The following CENPK variants were observed in gnomAD, a reference collection of about 807,000 sequenced individuals.
CENPK encodes the protein SoxLZ/Sox6-binding protein Solt.
A neutral mutation model predicts 40.9 loss-of-function variants in CENPK; 46 were observed. The ratio of observed to expected loss-of-function variants is 1.13; its 90% CI spans 0.89 to 1.44. The LOEUF is 1.44. Ranked by LOEUF, CENPK falls within the 40% of genes most tolerant of loss-of-function variation. CENPK has a pLI of 0.00. For synonymous variants in CENPK, 107 were observed against 104.4 expected (o/e 1.02, Z -0.15); for missense variants, 288 against 303.5 (o/e 0.95, Z 0.38).
rs1745253591 is a variant in CENPK at position 65,529,032 on chromosome 5, AAAC to A, written c.372-18_372-16del. The A allele has an allele frequency of 6.3e-7, 1 of 1,580,880 alleles. No homozygotes were observed. Among genetic ancestry groups the A allele is most frequent in the Non-Finnish European group, 8.7e-7 (1 of 1,154,432 alleles). ...ACCGTTGTTCCCTTTCGACATGGAA[AAAC>A]AATACAAGCAATATCTAAATAAAAC... On this transcript the variant is annotated splice_polypyrimidine_tract_variant and intron_variant, in intron 7 of 10. Coordinates refer to ENST00000396679, the MANE Select transcript of CENPK (RefSeq NM_022145.5).
the CENPK span, among the ~76,000 whole-genome samples, chr5:65,507,190 A>G: frequency 6.6e-6 from 1 of 152,206 alleles, no homozygotes; most frequent in Non-Finnish European, 1.5e-5. Flanking sequence ...TGTCCCATGC[A>G]GACCAAGTAA....
chr5:65,545,081 C>A (rs893678975), intron 5 of CENPK, among the ~76,000 whole-genome samples: 2 of 151,820 alleles, frequency 1.3e-5, no homozygotes, highest in Non-Finnish European at 2.9e-5. Flanking sequence ...ACTTGGGTAA[C>A]CGTAACAAAA....
intron 5 of CENPK, among the ~76,000 whole-genome samples, chr5:65,546,234 C>T (rs990842686): frequency 7.9e-6 from 1 of 125,816 alleles, no homozygotes; most frequent in East Asian, 3.4e-4. Flanking sequence ...CCCTGCCCCC[C>T]CGCTCAGGTG....
chr5:65,504,457 CAAAAA>C, the CENPK span, among the ~76,000 whole-genome samples: 1 of 100,068 alleles, frequency 1.0e-5, no homozygotes. Flanking sequence ...AATTCCGTAT[CAAAAA>C]AAAAAAAAAA....
At chr5:65,498,623 T>C in the CENPK span, among the ~76,000 whole-genome samples, 1 of 140,726 alleles carries the variant, frequency 7.1e-6, no homozygotes, top group African/African-American at 2.8e-5. Context: ...TTTTCTTTCT[T>C]TTTCTTTTTT....
rs1207772442 is a variant in CENPK, at chr5:65,518,540, T to C, written c.745A>G (p.Asn249Asp). 6.2e-7 allele frequency: 1 copy of C among 1,613,466 alleles called. No individual in the cohort carries two copies. The highest frequency in any genetic ancestry group is 8.5e-7 in the Non-Finnish European group (1 of 1,179,772). The change falls in exon 11 of 11, where the codon AAT becomes GAT. Residue 249 changes from asparagine (N) to aspartate (D), a missense_variant. Asn to Asp is a conservative substitution (Grantham distance 23, BLOSUM62 1). Transcript: ENST00000396679. ...TCTGGATGTCTCAAGGCAATTCCAT[T>C]ACGCAGCAGCAGCTCAACATAAGGT... ...WPPYVELLLR[N>D]GIALRHPEDP...
At chr5:65,542,981 C>T in intron 5 of CENPK, 133 bp from the exon 6 acceptor site, 1 of 695,542 alleles carries the variant, frequency 1.4e-6, no homozygotes, top group East Asian at 3.0e-5. Flanking sequence ...TTCTCCCCTC[C>T]AAGGCAGAGT....
At chr5:65,548,581 TTC>T (rs1749424039) in intron 5 of CENPK, among the ~76,000 whole-genome samples, 2 of 152,226 alleles carry the variant, frequency 1.3e-5, no homozygotes, top group Non-Finnish European at 2.9e-5. Context: ...ACAGCAGAAC[TTC>T]TTTCAAAATT....
At chr5:65,538,157 A>AT (rs1441732149) in intron 6 of CENPK, among the ~76,000 whole-genome samples, 2 of 152,070 alleles carry the variant, frequency 1.3e-5, no homozygotes, top group Non-Finnish European at 2.9e-5. Flanking sequence ...ATTTTGTGGG[A>AT]TCAAAATTTT....
At chr5:65,560,747 A>C (rs1751820358) in intron 2 of CENPK, among the ~76,000 whole-genome samples, 1 of 152,236 alleles carries the variant, frequency 6.6e-6, no homozygotes, top group Admixed American at 6.5e-5. Context: ...ATGTGAAATA[A>C]GAGGCTTGCA....
chr5:65,521,729 T>C (rs1743798898), intron 9 of CENPK, among the ~76,000 whole-genome samples: 1 of 152,014 alleles, frequency 6.6e-6, no homozygotes, highest in African/African-American at 2.4e-5. Flanking sequence ...GCCTCCCGAG[T>C]AGCTGTGATT....
At chr5:65,516,907 A>G (rs1742896877), downstream of CENPK, among the ~76,000 whole-genome samples, 1 of 152,144 alleles carries the variant, frequency 6.6e-6, no homozygotes, top group South Asian at 2.1e-4. Flanking sequence ...TTTTAGAAGA[A>G]TACAGTCTAT....
chr5:65,501,153 A>T, the CENPK span, among the ~76,000 whole-genome samples: 1 of 140,374 alleles, frequency 7.1e-6, no homozygotes, highest in Admixed American at 7.1e-5. Flanking sequence ...TGTTTCAGGC[A>T]TGTTTGCAAT....
chr5:65,546,309 CTAATTT>C (rs1748963897), intron 5 of CENPK, among the ~76,000 whole-genome samples: 1 of 151,022 alleles, frequency 6.6e-6, no homozygotes, highest in African/African-American at 2.4e-5. Context: ...CCCGGCTGTT[CTAATTT>C]TAACAAATAT....
chr5:65,548,850 C>T (rs546903066), intron 5 of CENPK, among the ~76,000 whole-genome samples: 11 of 152,294 alleles, frequency 7.2e-5, no homozygotes, highest in Admixed American at 2.0e-4. Context: ...TTTGTAGTTA[C>T]TTGAACCCCT....
chr5:65,550,488 T>C (rs563146261), intron 5 of CENPK: 1 of 152,284 alleles, frequency 6.6e-6, no homozygotes, highest in African/African-American at 2.4e-5. Context: ...ACAACATTTA[T>C]TGGTTAAATT....
At chr5:65,550,702 C>A (rs886926713) in intron 5 of CENPK, 1 of 151,836 alleles carries the variant, frequency 6.6e-6, no homozygotes, top group Non-Finnish European at 1.5e-5. Context: ...TAAAGTGAAG[C>A]ACAATAAAAT....
intron 9 of CENPK, among the ~76,000 whole-genome samples, chr5:65,527,557 A>G (rs1344983104): frequency 1.7e-5 from 2 of 115,492 alleles, no homozygotes; most frequent in African/African-American, 6.3e-5. Context: ...ATATATATGA[A>G]CTGTTCACAA....
chr5:65,518,478 C>T lies in CENPK; in HGVS notation c.807G>A (p.Gln269=), dbSNP rs36068055. 7.6e-4 allele frequency: 1,225 copies of T among 1,607,926 alleles called. 6 individuals carry two copies. The African/African-American group carries it at 0.015, about 19-fold the overall frequency. The change falls in exon 11 of 11, where the codon CAG becomes CAA. Residue 269 remains glutamine, a synonymous_variant. Coordinates refer to ENST00000396679, the MANE Select transcript of CENPK (RefSeq NM_022145.5). ...PTRIRLEAFH[Q] is the part of the protein sequence containing the mutation. ...TGTGAAAAAAGAAAACATCCTTTTA[C>T]TGATGGAAAGCTTCTAATCTTATTC...
Sources: gnomAD v4.1 joint callset for allele counts (sites outside exome capture counted in the v4.1 genomes callset) on GRCh38, gnomAD v4.1.1 for gene constraint, MANE v1.5 for transcripts, NCBI Gene and HGNC (gene_info 2026-07-23, HGNC 2026-07-21) for gene names.